FANCD2: variants seen among roughly 807,000 people sequenced by gnomAD.
FANCD2 encodes FA complementation group D2, also known as Fanconi anemia group D2 protein.
FANCD2 carries 131 observed loss-of-function variants against 192.3 expected under a neutral mutation model. That is an observed-to-expected ratio of 0.68 (90% CI 0.59 to 0.79). The LOEUF is 0.79. Among genes scored for constraint, FANCD2 ranks in the 30% least tolerant of loss-of-function variants. The pLI is 0.00. For synonymous variants in FANCD2, 524 were observed against 612.5 expected (o/e 0.86, Z 2.13); for missense variants, 1,508 against 1,701.6 (o/e 0.89, Z 2.00).
chr3:10,050,298 G>T (rs1377224962), intron 17 of FANCD2, among the ~76,000 whole-genome samples: 1 of 152,110 alleles, frequency 6.6e-6, no homozygotes, highest in Non-Finnish European at 1.5e-5. Context: ...AGACAATTTG[G>T]TGTTAGAATT....
chr3:10,089,031 C>T (rs1007617752), intron 36 of FANCD2, 81 bp downstream of exon 36: 9 of 1,520,220 alleles, frequency 5.9e-6, no homozygotes, highest in Admixed American at 5.0e-5. Flanking sequence ...ACCTGTAATC[C>T]CAGCACTTTG....
chr3:10,071,968 C>T (rs1218683487), intron 26 of FANCD2, among the ~76,000 whole-genome samples: 1 of 152,058 alleles, frequency 6.6e-6, no homozygotes, highest in Non-Finnish European at 1.5e-5. Flanking sequence ...CCGTGTTGGC[C>T]GGGCTTGTCT....
At chr3:10,092,373 A>T in intron 38 of FANCD2, 121 bp downstream of exon 38, 2 of 809,598 alleles carry the variant, frequency 2.5e-6, no homozygotes, top group South Asian at 2.7e-5. Flanking sequence ...GCTCTCCCTG[A>T]GTCGTCTTCT....
At chr3:10,040,879 AGT>A (rs1244299188) in intron 9 of FANCD2, 1 of 200,952 alleles carries the variant, frequency 5.0e-6, no homozygotes, top group Non-Finnish European at 1.0e-5. Flanking sequence ...CCTTTTGTAT[AGT>A]CTTTTTTTTT....
intron 18 of FANCD2, among the ~76,000 whole-genome samples, chr3:10,055,334 C>G (rs1368362458): frequency 1.3e-5 from 2 of 152,110 alleles, no homozygotes; most frequent in African/African-American, 4.8e-5. Flanking sequence ...ATCTTCCTCT[C>G]CCCACCCCCT....
intron 29 of FANCD2, among the ~76,000 whole-genome samples, chr3:10,076,074 C>G (rs1048269207): frequency 6.7e-6 from 1 of 150,006 alleles, no homozygotes; most frequent in African/African-American, 2.5e-5. Flanking sequence ...TCATCTTGCC[C>G]TTAGGAGATG....
chr3:10,086,495 C>CT (rs927484117), intron 33 of FANCD2, among the ~76,000 whole-genome samples: 19 of 149,832 alleles, frequency 1.3e-4, no homozygotes, highest in South Asian at 2.1e-4. Context: ...CTTATATCTT[C>CT]TTTTTTTTTT....
intron 39 of FANCD2, among the ~76,000 whole-genome samples, chr3:10,094,011 C>T (rs780593607): frequency 2.6e-5 from 4 of 152,212 alleles, no homozygotes; most frequent in African/African-American, 7.2e-5. Flanking sequence ...GAGCTCCCCT[C>T]TACTCTATGC....
chr3:10,088,945 G>A lies in FANCD2; in HGVS notation c.3678G>A (p.Leu1226=), dbSNP rs1305083066. ...CATCTTCCTCCACATTCCCTACACT[G>A]ACCAGGTAAGGGAGTTCTTTCCTCC... The part of the protein sequence containing the change: ...KDASSSTFPT[L]TRHTFVVFFR... Residue 1226 remains leucine, a synonymous_variant, in exon 36 of 44, where the codon CTG becomes CTA. Transcript: ENST00000675286. 6.2e-7 allele frequency: 1 copy of A among 1,614,020 alleles called. No individual in the cohort carries two copies. The highest frequency in any genetic ancestry group is 8.5e-7 in the Non-Finnish European group (1 of 1,179,992).
At chr3:10,093,737 G>A (rs563178975) in intron 39 of FANCD2, among the ~76,000 whole-genome samples, 1 of 152,276 alleles carries the variant, frequency 6.6e-6, no homozygotes, top group South Asian at 2.1e-4. Flanking sequence ...GCCTGTATTA[G>A]CCCTAGATTT....
chr3:10,034,347 A>ATT, intron 3 of FANCD2, 122 bp from the exon 4 acceptor site: 2 of 639,544 alleles, frequency 3.1e-6, no homozygotes, highest in Non-Finnish European at 2.8e-6. Context: ...AAAAAAAAAG[A>ATT]TTTGTCTCTG....
chr3:10,082,479 T>A (rs1156826412), intron 32 of FANCD2, among the ~76,000 whole-genome samples: 1 of 152,184 alleles, frequency 6.6e-6, no homozygotes, highest in Admixed American at 6.5e-5. Context: ...CTCTTAGATT[T>A]TTCTTGAGTT....
At chr3:10,054,628 C>T (rs866024267) in intron 18 of FANCD2, among the ~76,000 whole-genome samples, 94 of 146,890 alleles carry the variant, frequency 6.4e-4, no homozygotes, top group African/African-American at 2.2e-3. Flanking sequence ...GGACTACAGG[C>T]GCCCGCCACC....
At chr3:10,026,587 T>C (rs2086456387) in intron 1 of FANCD2, 114 bp downstream of exon 1, 1 of 196,838 alleles carries the variant, frequency 5.1e-6, no homozygotes, top group Admixed American at 6.5e-5. Context: ...CCCCGAACCT[T>C]GGCTTCCTCA....
chr3:10,079,008 A>G (rs1482686825), intron 30 of FANCD2, among the ~76,000 whole-genome samples: 1 of 151,950 alleles, frequency 6.6e-6, no homozygotes, highest in Non-Finnish European at 1.5e-5. Context: ...TGGAAGGCCG[A>G]GGCAGGTGGA....
chr3:10,039,827 A>C lies in FANCD2; in HGVS notation c.677A>C (p.Asp226Ala). The change falls in exon 9 of 44, where the codon GAT becomes GCT. Residue 226 changes from aspartate (D) to alanine (A), a missense_variant. Coordinates refer to ENST00000675286, the MANE Select transcript of FANCD2 (RefSeq NM_001018115.3). ...ATCCTAGGGGATTCCCAGCACGCTG[A>C]TGTGGGGAAAGAACTCAGGTGGATA... is the stretch of plus-strand genomic sequence containing the variant. ...PEILGDSQHADVGKELSDLLI... is the reference protein window; with the variant it reads ...PEILGDSQHAAVGKELSDLLI... 6.2e-7 allele frequency: 1 copy of C among 1,613,954 alleles called. No individual in the cohort carries two copies. Among genetic ancestry groups the C allele is most frequent in the Non-Finnish European group, 8.5e-7 (1 of 1,180,010 alleles).
chr3:10,036,903 A>G (rs2086745384), intron 7 of FANCD2, among the ~76,000 whole-genome samples: 2 of 151,852 alleles, frequency 1.3e-5, no homozygotes, highest in South Asian at 4.2e-4. Flanking sequence ...TAGTACGATC[A>G]TGGCTCACTG....
intron 20 of FANCD2, among the ~76,000 whole-genome samples, chr3:10,063,317 G>C (rs1559387831): frequency 6.6e-6 from 1 of 152,060 alleles, no homozygotes; most frequent in Admixed American, 6.6e-5. Context: ...GGCGCCTGTA[G>C]TCCCAGCTAC....
At chr3:10,046,146 CG>C (rs1227175153) in intron 14 of FANCD2, among the ~76,000 whole-genome samples, 1 of 148,374 alleles carries the variant, frequency 6.7e-6, no homozygotes, top group African/African-American at 2.5e-5. Flanking sequence ...CTCTGCCTCC[CG>C]GGTTCACGCC....
Sources: allele counts gnomAD v4.1 joint callset (sites outside exome capture counted in the v4.1 genomes callset), GRCh38; gene constraint gnomAD v4.1.1; transcripts MANE v1.5; gene names NCBI Gene and HGNC (gene_info 2026-07-23, HGNC 2026-07-21).